CALN1: variants seen among roughly 807,000 people sequenced by gnomAD.
CALN1 encodes the protein calneuron 1, also known as calcium-binding protein 8.
CALN1 carries 17 observed loss-of-function variants against 30.6 expected under a neutral mutation model. That is an observed-to-expected ratio of 0.56 (90% confidence interval 0.38 to 0.83). The LOEUF (loss-of-function observed/expected upper bound fraction) is 0.83, where lower values mean the gene tolerates loss of function less well. CALN1 is among the 40% of genes least tolerant of loss of function. CALN1 has a pLI of 0.00. For synonymous variants in CALN1, 156 were observed against 131.4 expected (o/e 1.19, Z -1.28); for missense variants, 291 against 354.9 (o/e 0.82, Z 1.45).
At chr7:71,992,300 A>G (rs1294539140) in intron 5 of CALN1, among the ~76,000 whole-genome samples, 1 of 152,250 alleles carries the variant, frequency 6.6e-6, no homozygotes, top group East Asian at 1.9e-4. Flanking sequence ...AGAAAATGTT[A>G]TAATTCTACT....
chr7:72,323,898 G>C (rs1051680008), intron 2 of CALN1, among the ~76,000 whole-genome samples: 3 of 151,894 alleles, frequency 2.0e-5, no homozygotes, highest in African/African-American at 7.3e-5. Context: ...ACAAAAATTA[G>C]CCGGGTGCTG....
chr7:72,404,482 T>C (rs1200386190), intron 1 of CALN1, among the ~76,000 whole-genome samples: 1 of 152,240 alleles, frequency 6.6e-6, no homozygotes, highest in Non-Finnish European at 1.5e-5. Flanking sequence ...TGGAAGACGT[T>C]GGTGATGAAA....
At chr7:72,120,833 G>A (rs773923707) in intron 3 of CALN1, among the ~76,000 whole-genome samples, 29 of 152,060 alleles carry the variant, frequency 1.9e-4, no homozygotes, top group Non-Finnish European at 2.5e-4. Context: ...GGTGATCGTG[G>A]GATGGTGAGT....
chr7:71,849,713 A>G (rs1280073613), intron 5 of CALN1, among the ~76,000 whole-genome samples: 1 of 152,050 alleles, frequency 6.6e-6, no homozygotes, highest in Non-Finnish European at 1.5e-5. Flanking sequence ...GTGCAATCAT[A>G]GCTTACTGCA....
intron 3 of CALN1, among the ~76,000 whole-genome samples, chr7:72,177,878 T>A (rs1789478618): frequency 6.6e-6 from 1 of 152,120 alleles, no homozygotes; most frequent in Non-Finnish European, 1.5e-5. Context: ...TTCTCCTTTG[T>A]AACATGTTCG....
At chr7:71,901,680 T>C (rs193149333) in intron 5 of CALN1, among the ~76,000 whole-genome samples, 711 of 152,294 alleles carry the variant, frequency 4.7e-3, no homozygotes, top group Non-Finnish European at 7.8e-3. Context: ...AGGGACACCC[T>C]ATTCAATAAA....
chr7:72,282,264 A>G (rs1797778145), intron 2 of CALN1, among the ~76,000 whole-genome samples: 1 of 152,252 alleles, frequency 6.6e-6, no homozygotes, highest in African/African-American at 2.4e-5. Context: ...ATCCTTCTAT[A>G]GAGAGCAACA....
At chr7:72,394,722 C>T (rs899329532) in intron 2 of CALN1, among the ~76,000 whole-genome samples, 13 of 149,534 alleles carry the variant, frequency 8.7e-5, no homozygotes, top group Admixed American at 3.3e-4. Context: ...AGTGCAGTGG[C>T]GCAATCGTAG....
intron 2 of CALN1, among the ~76,000 whole-genome samples, chr7:72,372,937 G>A (rs943911306): frequency 2.6e-5 from 4 of 152,150 alleles, no homozygotes; most frequent in African/African-American, 9.7e-5. Context: ...TGACATGGAT[G>A]TTGGAATTAT....
intron 3 of CALN1, among the ~76,000 whole-genome samples, chr7:72,212,137 G>T (rs941167863): frequency 1.3e-5 from 2 of 152,046 alleles, no homozygotes; most frequent in African/African-American, 4.8e-5. Context: ...CAGATAAGGA[G>T]GTCAGGAGAT....
At chr7:72,302,893 C>CAA (rs71069055) in intron 2 of CALN1, among the ~76,000 whole-genome samples, 811 of 48,554 alleles carry the variant, frequency 0.017, 82 homozygotes, top group African/African-American at 0.029. Flanking sequence ...GTGAGGGTCT[C>CAA]AAAAAAAAAA....
intron 3 of CALN1, among the ~76,000 whole-genome samples, chr7:72,257,257 G>C (rs1002803263): frequency 6.6e-6 from 1 of 152,120 alleles, no homozygotes; most frequent in Admixed American, 6.5e-5. Context: ...TCCCTCACTA[G>C]ACACGTGCAT....
Position 71,962,200 on chromosome 7 carries a change from T to C in CALN1, c.501+61457A>G, listed in dbSNP as rs7811212. Among the ~76,000 whole-genome samples, 657 of 150,898 alleles carry C rather than the reference T, an allele frequency of 4.4e-3. 7 individuals are homozygous for C. Among genetic ancestry groups the C allele is most frequent in the African/African-American group, 0.015 (613 of 40,970 alleles). On this transcript the variant is annotated intron_variant, in intron 5 of 6. Transcript: ENST00000395275. The stretch of plus-strand genomic sequence containing the variant: ...TTGAGGCCAGGAGTTTGAGACCAGC[T>C]TGGGCAACACAGCAAGACCCCATCT...
At chr7:72,328,692 T>A (rs1801451922) in intron 2 of CALN1, among the ~76,000 whole-genome samples, 2 of 152,190 alleles carry the variant, frequency 1.3e-5, no homozygotes, top group South Asian at 2.1e-4. Flanking sequence ...ATCATCGGTG[T>A]CTACATTTAT....
chr7:72,380,413 A>T (rs775979392), intron 2 of CALN1, among the ~76,000 whole-genome samples: 1 of 152,196 alleles, frequency 6.6e-6, no homozygotes, highest in African/African-American at 2.4e-5. Context: ...ATTTGAAGCC[A>T]GGAGTTCCAG....
At chr7:72,025,681 A>G (rs558367453) in intron 4 of CALN1, among the ~76,000 whole-genome samples, 2 of 152,124 alleles carry the variant, frequency 1.3e-5, no homozygotes, top group South Asian at 4.2e-4. Context: ...CAAAAGGGCA[A>G]CTCCATCAAA....
At position 71,781,272 on chromosome 7, in the gene CALN1, C is replaced by T. The variant is rs961429919; in HGVS notation, c.*6503G>A. On this transcript the variant is annotated 3_prime_UTR_variant, in exon 7 of 7. Coordinates refer to ENST00000395275, the MANE Select transcript of CALN1 (RefSeq NM_031468.4). ...TAGATAGTGGGTGGAAGAGTCCTGG[C>T]TCCTGGGCTTTCTCCAGCTGGTAGT... is the stretch of plus-strand genomic sequence containing the variant. The T allele has an allele frequency of 6.6e-6, 1 of 152,278 alleles. No homozygotes were observed. Among genetic ancestry groups the T allele is most frequent in the Non-Finnish European group, 1.5e-5 (1 of 68,096 alleles). 9.4% of individuals were successfully genotyped at this position (152,278 alleles called of 1,614,324 possible).
At chr7:72,318,903 AAG>A in intron 2 of CALN1, among the ~76,000 whole-genome samples, 1 of 152,080 alleles carries the variant, frequency 6.6e-6, no homozygotes, top group African/African-American at 2.4e-5. Flanking sequence ...TGTGGAGAAA[AAG>A]AATGTTTATA....
rs1804811422 is a variant in CALN1 at position 72,380,349 on chromosome 7, A to C, written c.119+22902T>G. Among the ~76,000 whole-genome samples the C allele has an allele frequency of 2.6e-5, 4 of 152,312 alleles. 1 individual carries two copies. The highest frequency in any genetic ancestry group is 2.0e-4 in the Admixed American group (3 of 15,296). On this transcript the variant is annotated intron_variant, in intron 2 of 6. Transcript: ENST00000395275. Reference sequence around the variant, plus strand: ...GAGCCTATTCCATCTTAAGAAACAGAGGTAGGCTGGGTGCAGTGGCTCATA... The same window carrying C: ...GAGCCTATTCCATCTTAAGAAACAGCGGTAGGCTGGGTGCAGTGGCTCATA...
Sources: allele counts gnomAD v4.1 joint callset (sites outside exome capture counted in the v4.1 genomes callset), GRCh38; gene constraint gnomAD v4.1.1; transcripts MANE v1.5; gene names NCBI Gene and HGNC (gene_info 2026-07-23, HGNC 2026-07-21).